The following GLG1 variants were observed in gnomAD, a reference collection of about 807,000 sequenced individuals.
GLG1 encodes the protein Golgi apparatus protein 1.
GLG1 carries 38 observed loss-of-function variants against 160.5 expected under a neutral mutation model. The ratio of observed to expected loss-of-function variants is 0.24; its 90% CI spans 0.18 to 0.31. The LOEUF is 0.31. GLG1 is among the 10% of genes least tolerant of loss of function. The pLI, the probability that GLG1 is intolerant of heterozygous loss-of-function variation, is 1.00. For synonymous variants in GLG1, 644 were observed against 543.4 expected, an observed-to-expected ratio of 1.19 and a Z score of -2.57; for missense variants, 1,373 against 1,505.2, an observed-to-expected ratio of 0.91 and a Z score of 1.45.
chr16:74,484,198 C>T (rs958689497), intron 9 of GLG1, among the ~76,000 whole-genome samples: 1 of 152,118 alleles, frequency 6.6e-6, no homozygotes, highest in Non-Finnish European at 1.5e-5. Flanking sequence ...ACAGCATGAA[C>T]AGCAGGAGTT....
At chr16:74,533,951 A>C (rs2017616227) in intron 1 of GLG1, among the ~76,000 whole-genome samples, 1 of 152,234 alleles carries the variant, frequency 6.6e-6, no homozygotes, top group South Asian at 2.1e-4. Flanking sequence ...AATAAAGAAA[A>C]TAGAACACAT....
At chr16:74,557,298 T>C (rs1479248493) in intron 1 of GLG1, among the ~76,000 whole-genome samples, 1 of 151,726 alleles carries the variant, frequency 6.6e-6, no homozygotes, top group African/African-American at 2.4e-5. Flanking sequence ...TACTATGTAA[T>C]AGTAAGTGTG....
intron 21 of GLG1, 36 bp downstream of exon 21, chr16:74,462,452 T>A: frequency 6.3e-7 from 1 of 1,580,822 alleles, no homozygotes; most frequent in Non-Finnish European, 8.7e-7. Flanking sequence ...AGAGGCTCCA[T>A]AAATACACCT....
In GLG1 at chr16:74,494,792, T is replaced by G. The variant is rs2016127188; in HGVS notation, c.1018A>C (p.Asn340His). ...CTCATGGATTCTTCAAATTTATGGT[T>G]AAAGAGGCACTTATACACTCTGCCC... ...GEGRVYKCLF[N>H]HKFEESMSEK... The change falls in exon 6 of 26, where the codon AAC (asparagine) becomes CAC (histidine). Residue 340 changes from asparagine to histidine, a missense_variant. This residue lies in a region of GLG1 where 174 missense variants were observed against 229.9 expected (regional missense o/e 0.76). Transcript: ENST00000422840. 8 of 1,494,746 alleles carry G rather than the reference T, an allele frequency of 5.4e-6. 1 individual carries two copies. Among genetic ancestry groups the G allele is most frequent in the South Asian group, 1.1e-5 (1 of 88,608 alleles). The allele number at this position is 1,494,746 out of a possible 1,614,324, so 92.6% of individuals were successfully genotyped here.
rs115940463 is a variant in GLG1 at position 74,596,917 on chromosome 16, G to A, written c.438+9740C>T. Among the ~76,000 whole-genome samples, 1,157 of 152,176 alleles carry A rather than the reference G, an allele frequency of 7.6e-3. 14 individuals are homozygous for A. Among genetic ancestry groups the A allele is most frequent in the African/African-American group, 0.026 (1,099 of 41,508 alleles). ...GGACTGCTTGAACTCAGGAGTTGGA[G>A]ACCAGCCTGGACAACAGAGTGAGAC... On this transcript the variant is annotated intron_variant, in intron 1 of 25. Coordinates refer to ENST00000422840, the MANE Select transcript of GLG1 (RefSeq NM_001145667.2).
chr16:74,526,820 G>C (rs2017349428), intron 2 of GLG1, among the ~76,000 whole-genome samples: 1 of 152,236 alleles, frequency 6.6e-6, no homozygotes, highest in African/African-American at 2.4e-5. Context: ...GATGCTACTT[G>C]ATCACTTCCT....
intron 3 of GLG1, among the ~76,000 whole-genome samples, chr16:74,505,450 T>G (rs981502511): frequency 1.3e-5 from 2 of 152,188 alleles, no homozygotes; most frequent in Non-Finnish European, 2.9e-5. Context: ...CTGGGCACGG[T>G]GGCTCATGTC....
chr16:74,472,566 A>C, intron 13 of GLG1, 155 bp from the exon 14 acceptor site: 9 of 1,496,204 alleles, frequency 6.0e-6, no homozygotes, highest in Non-Finnish European at 8.1e-6. Flanking sequence ...ATAGCCCCAG[A>C]ATAAATATAG....
At chr16:74,475,256 A>G (rs2143276547) in intron 12 of GLG1, among the ~76,000 whole-genome samples, 1 of 152,248 alleles carries the variant, frequency 6.6e-6, no homozygotes, top group Non-Finnish European at 1.5e-5. Context: ...CTCAAAGTCT[A>G]AAAACCTTAT....
At chr16:74,582,688 G>A (rs1182218140) in intron 1 of GLG1, among the ~76,000 whole-genome samples, 1 of 151,756 alleles carries the variant, frequency 6.6e-6, no homozygotes, top group East Asian at 2.0e-4. Context: ...GCGTGGTGGC[G>A]GGCGCCTATA....
At chr16:74,504,837 A>G (rs1041685311) in intron 3 of GLG1, among the ~76,000 whole-genome samples, 5 of 152,222 alleles carry the variant, frequency 3.3e-5, no homozygotes, top group African/African-American at 1.2e-4. Context: ...TGCAAAGTGC[A>G]TTCCAAACCA....
intron 1 of GLG1, among the ~76,000 whole-genome samples, chr16:74,602,136 AGG>A (rs1382468466): frequency 6.6e-6 from 1 of 152,162 alleles, no homozygotes. Flanking sequence ...TGAGTCTAAA[AGG>A]GGGTTTATGG....
Position 74,448,742 on chromosome 16 carries a change from CTG to C in GLG1, c.*4423_*4424del, listed in dbSNP as rs2014169056. On this transcript the variant is annotated 3_prime_UTR_variant, in exon 26 of 26. Transcript: ENST00000422840. ...ACTCCAGCCTGGGCAACGAGTGAAA[CTG>C]TGTCTCAAAAGAAAAAAAAAAAAAA... is the stretch of plus-strand genomic sequence containing the variant. 1 of 97,578 alleles carries C rather than the reference CTG, an allele frequency of 1.0e-5. No individual in the cohort carries two copies. The highest frequency in any genetic ancestry group is 4.3e-5 in the African/African-American group (1 of 23,398). 6.0% of individuals were successfully genotyped at this position (97,578 alleles called of 1,614,324 possible). A position where few individuals can be genotyped will look rare whatever the true frequency, so the allele number is the denominator to read the frequency against.
chr16:74,563,939 T>C (rs1481933104), intron 1 of GLG1, among the ~76,000 whole-genome samples: 2 of 152,114 alleles, frequency 1.3e-5, no homozygotes, highest in Non-Finnish European at 2.9e-5. Context: ...ATTTTTATTC[T>C]TTGAGACAGG....
intron 3 of GLG1, among the ~76,000 whole-genome samples, chr16:74,508,276 C>T (rs1452884890): frequency 1.5e-5 from 2 of 137,182 alleles, no homozygotes; most frequent in Non-Finnish European, 3.1e-5. Context: ...TTTCAGTATG[C>T]AGAAACTCTG....
At position 74,451,204 on chromosome 16, in the gene GLG1, G is replaced by A. The variant is rs941355001; in HGVS notation, c.*1963C>T. ...CCGGCTGGCAGTGGCGGGAGGCAGT[G>A]TGTGCTGCTCGCACCCTGCGTTTCC... On this transcript the variant is annotated 3_prime_UTR_variant, in exon 26 of 26. Transcript: ENST00000422840. 3.3e-5 allele frequency: 5 copies of A among 152,348 alleles called. No homozygotes were observed. Among genetic ancestry groups the A allele is most frequent in the Non-Finnish European group, 5.9e-5 (4 of 68,174 alleles). 9.4% of individuals were successfully genotyped at this position (152,348 alleles called of 1,614,324 possible).
chr16:74,458,028 T>G (rs570916026), intron 23 of GLG1, 34 bp from the exon 24 acceptor site: 1 of 1,608,732 alleles, frequency 6.2e-7, no homozygotes, highest in African/African-American at 1.3e-5. Context: ...ACAGAGCTTT[T>G]GAAGGGGAAA....
intron 1 of GLG1, among the ~76,000 whole-genome samples, chr16:74,602,946 A>C (rs552418198): frequency 6.6e-6 from 1 of 152,060 alleles, no homozygotes; most frequent in East Asian, 1.9e-4. Flanking sequence ...AGATCACCTA[A>C]GGTGAGGAGT....
At chr16:74,470,347 TTCCTTCCTTCCC>T (rs2015156932) in intron 15 of GLG1, among the ~76,000 whole-genome samples, 1 of 143,968 alleles carries the variant, frequency 6.9e-6, no homozygotes, top group South Asian at 2.5e-4. Flanking sequence ...CCTTCCCTCC[TTCCTTCCTTCCC>T]TCCTTCCTTC....
Sources: allele counts gnomAD v4.1 joint callset (sites outside exome capture counted in the v4.1 genomes callset), GRCh38; gene constraint gnomAD v4.1.1; regional missense constraint gnomAD v4.1.1; transcripts MANE v1.5; gene names NCBI Gene and HGNC (gene_info 2026-07-23, HGNC 2026-07-21).